PCDHGA8: variants seen among roughly 807,000 people sequenced by gnomAD.
The protein encoded by PCDHGA8 is protocadherin gamma subfamily A, 8.
A neutral mutation model predicts 59.2 loss-of-function variants in PCDHGA8; 45 were observed. The observed-to-expected ratio is 0.76, with a 90% CI of 0.60 to 0.98. PCDHGA8 has a LOEUF of 0.98. Among genes scored for constraint, PCDHGA8 ranks in the 50% least tolerant of loss-of-function variants. The pLI is 0.00. For missense variants in PCDHGA8, 1,257 were observed against 1,196.2 expected (o/e 1.05, Z -0.75); for synonymous variants, 531 against 519.0 (o/e 1.02, Z -0.32).
rs775299518 is a variant in PCDHGA8, at chr5:141,393,596, G to T, written c.783G>T (p.Leu261=). The T allele has an allele frequency of 1.2e-6, 2 of 1,613,900 alleles. No homozygotes were observed. The highest frequency in any genetic ancestry group is 8.5e-7 in the Non-Finnish European group (1 of 1,179,898). The part of the protein sequence containing the change: ...VLENMPPGTR[L]LTVTASDPDE... ...AGAACATGCCCCCAGGCACGCGGCTGCTTACTGTAACAGCCAGCGACCCGG... is the reference window on the plus strand; with the variant it reads ...AGAACATGCCCCCAGGCACGCGGCTTCTTACTGTAACAGCCAGCGACCCGG... The change falls in exon 1 of 4, where the codon CTG becomes CTT. Residue 261 remains leucine, a synonymous_variant. Transcript: ENST00000398604.
At chr5:141,498,352 C>T (rs1439698389) in intron 2 of PCDHGA8, among the ~76,000 whole-genome samples, 1 of 151,772 alleles carries the variant, frequency 6.6e-6, no homozygotes, top group Non-Finnish European at 1.5e-5. Flanking sequence ...AAAGCCTATG[C>T]AAAAGCCTTG....
chr5:141,457,680 G>A lies in PCDHGA8; in HGVS notation c.2425-37127G>A, dbSNP rs866876250. 2.6e-5 allele frequency among the ~76,000 whole-genome samples: 4 copies of A among 152,290 alleles called. No individual in the cohort carries two copies. The South Asian group carries it at 8.3e-4, about 32-fold the overall frequency. On this transcript the variant is annotated intron_variant, in intron 1 of 3. Coordinates refer to ENST00000398604, the MANE Select transcript of PCDHGA8 (RefSeq NM_032088.2). The stretch of plus-strand genomic sequence containing the variant: ...AGCAAGAATGGTTATTTCTACATAG[G>A]ACTTTTGGATTGGCTTTGATGAAAC...
In PCDHGA8 at chr5:141,395,537, A is replaced by ATTGTTTGT. The variant is rs1179408656; in HGVS notation, c.2424+301_2424+308dup. On this transcript the variant is annotated intron_variant, in intron 1 of 3. Coordinates refer to ENST00000398604, the MANE Select transcript of PCDHGA8 (RefSeq NM_032088.2). Reference sequence around the variant, plus strand: ...ACCCGTCCATACTGGTAATTTTGCTATTGTTTGTGTGTGTGTGTGTGTGTG... The same window carrying ATTGTTTGT: ...ACCCGTCCATACTGGTAATTTTGCTATTGTTTGTTTGTTTGTGTGTGTGTGTGTGTGTG... 12 of 243,932 alleles carry ATTGTTTGT rather than the reference A, an allele frequency of 4.9e-5. No individual in the cohort carries two copies. In the African/African-American group the frequency reaches 6.6e-4, roughly 13 times the overall value. 15.1% of individuals were successfully genotyped at this position (243,932 alleles called of 1,614,324 possible).
chr5:141,402,807 T>G, intron 1 of PCDHGA8: 2 of 1,165,464 alleles, frequency 1.7e-6, no homozygotes, highest in Non-Finnish European at 2.3e-6. Flanking sequence ...ACCCGGCAGA[T>G]ACCACAAACC....
At position 141,491,168 on chromosome 5, in the gene PCDHGA8, A is replaced by T. The variant is rs1293664414; in HGVS notation, c.2425-3639A>T. On this transcript the variant is annotated intron_variant, in intron 1 of 3. Transcript: ENST00000398604. This position sits in a 1 kb window ranked among gnomAD's most constrained non-coding sequence, Gnocchi z 6.9. ...CTGGAGGATGACTCTGACACCCAGC[A>T]GGTGGTGGTCCTGGTGAGGGACAAT... 3.1e-6 allele frequency: 5 copies of T among 1,614,160 alleles called. No individual in the cohort carries two copies. The highest frequency in any genetic ancestry group is 4.2e-6 in the Non-Finnish European group (5 of 1,179,988).
chr5:141,498,105 G>C (rs150297456), intron 2 of PCDHGA8, among the ~76,000 whole-genome samples: 1 of 152,324 alleles, frequency 6.6e-6, no homozygotes, highest in East Asian at 1.9e-4. Flanking sequence ...TGGTGTGGGC[G>C]TATAATAGGG....
intron 1 of PCDHGA8, chr5:141,399,117 A>C (rs370431268): frequency 6.2e-6 from 10 of 1,613,848 alleles, no homozygotes; most frequent in Non-Finnish European, 8.5e-6. Flanking sequence ...GTACAGTTGA[A>C]ATTAATATTC....
intron 1 of PCDHGA8, chr5:141,408,653 C>T (rs1589679123): frequency 6.2e-7 from 1 of 1,613,982 alleles, no homozygotes; most frequent in African/African-American, 1.3e-5. Context: ...CGCTGGTACA[C>T]GACTATCGCT....
At chr5:141,449,876 C>T (rs924666805) in intron 1 of PCDHGA8, among the ~76,000 whole-genome samples, 1 of 151,724 alleles carries the variant, frequency 6.6e-6, no homozygotes, top group African/African-American at 2.4e-5. Context: ...AATTTAACAT[C>T]AATGCAATAT....
chr5:141,470,828 C>A (rs1328067769), intron 1 of PCDHGA8, among the ~76,000 whole-genome samples: 1 of 151,994 alleles, frequency 6.6e-6, no homozygotes, highest in Non-Finnish European at 1.5e-5. Flanking sequence ...GTTAGGACGA[C>A]AAACACACGC....
In PCDHGA8 at chr5:141,486,697, C is replaced by T. The variant is rs146956400; in HGVS notation, c.2425-8110C>T. 89 of 1,614,058 alleles carry T rather than the reference C, an allele frequency of 5.5e-5. No homozygotes were observed. Among genetic ancestry groups the T allele is most frequent in the Non-Finnish European group, 7.4e-5 (87 of 1,180,040 alleles). ...GAGATGTATCAGCTTCCTCTTTCAT[C>T]TCTCTGAACCCCCAGACAGGAGCTG... On this transcript the variant is annotated intron_variant, in intron 1 of 3. Coordinates refer to ENST00000398604, the MANE Select transcript of PCDHGA8 (RefSeq NM_032088.2). The surrounding 1 kb of genome is among the most constrained non-coding windows in gnomAD (Gnocchi z 5.0).
At chr5:141,456,919 C>G (rs2098898169) in intron 1 of PCDHGA8, among the ~76,000 whole-genome samples, 1 of 152,124 alleles carries the variant, frequency 6.6e-6, no homozygotes, top group African/African-American at 2.4e-5. Flanking sequence ...GCCGAGATCG[C>G]ACCACTGCAC....
In PCDHGA8 at chr5:141,394,883, A is replaced by G. The variant is rs370442493; in HGVS notation, c.2070A>G (p.Thr690=). 2 of 1,611,604 alleles carry G rather than the reference A, an allele frequency of 1.2e-6. No homozygotes were observed. The highest frequency in any genetic ancestry group is 2.7e-5 in the African/African-American group (2 of 74,128). Residue 690 remains threonine (T), a synonymous_variant, in exon 1 of 4, where the codon ACA becomes ACG. Coordinates refer to ENST00000398604, the MANE Select transcript of PCDHGA8 (RefSeq NM_032088.2). ...PSVDPNDSSL[T]LYLVVAVAAI... Reference sequence around the variant, plus strand: ...TCGACCCGAACGATTCGAGCCTTACACTCTATCTCGTGGTGGCAGTGGCTG... The same window carrying G: ...TCGACCCGAACGATTCGAGCCTTACGCTCTATCTCGTGGTGGCAGTGGCTG...
At position 141,432,319 on chromosome 5, in the gene PCDHGA8, C is replaced by A; in HGVS notation, c.2424+37082C>A. The A allele has an allele frequency of 6.2e-7, 1 of 1,614,264 alleles. No individual in the cohort carries two copies. Among genetic ancestry groups the A allele is most frequent in the South Asian group, 1.1e-5 (1 of 91,088 alleles). ...GGGTACTGTATGCGCTGAGCTCCTTCGACTACGAGCAGTTCCGAGACTTGC... is the reference window on the plus strand; with the variant it reads ...GGGTACTGTATGCGCTGAGCTCCTTAGACTACGAGCAGTTCCGAGACTTGC... On this transcript the variant is annotated intron_variant, in intron 1 of 3. Transcript: ENST00000398604. The surrounding 1 kb of genome is among the most constrained non-coding windows in gnomAD (Gnocchi z 6.0).
intron 1 of PCDHGA8, among the ~76,000 whole-genome samples, chr5:141,483,709 G>A (rs1486825412): frequency 1.3e-5 from 2 of 152,036 alleles, no homozygotes; most frequent in Non-Finnish European, 2.9e-5. Flanking sequence ...TTTGACACCA[G>A]AATATTGGTT....
At chr5:141,433,295 G>A (rs754784548) in intron 1 of PCDHGA8, 22 of 1,044,006 alleles carry the variant, frequency 2.1e-5, no homozygotes, top group Non-Finnish European at 2.9e-5. Flanking sequence ...CTAGGCTCAA[G>A]CAATTATCCC....
intron 1 of PCDHGA8, among the ~76,000 whole-genome samples, chr5:141,468,281 C>T (rs568875291): frequency 6.8e-6 from 1 of 147,354 alleles, no homozygotes; most frequent in African/African-American, 2.5e-5. Flanking sequence ...GCCGAGACCA[C>T]GCCATTGCAC....
Position 141,489,323 on chromosome 5 carries a change from C to T in PCDHGA8, c.2425-5484C>T, listed in dbSNP as rs746520513. 1 of 1,601,632 alleles carries T rather than the reference C, an allele frequency of 6.2e-7. No individual in the cohort carries two copies. Among genetic ancestry groups the T allele is most frequent in the Non-Finnish European group, 8.5e-7 (1 of 1,172,950 alleles). ...TCCTTGTGCTGCTGGGGCTGGGTGT[C>T]TGGGCAGCTTCGTTACTCAGTGGTG... On this transcript the variant is annotated intron_variant, in intron 1 of 3. Coordinates refer to ENST00000398604, the MANE Select transcript of PCDHGA8 (RefSeq NM_032088.2). The surrounding 1 kb of genome is among the most constrained non-coding windows in gnomAD (Gnocchi z 4.5).
At position 141,421,233 on chromosome 5, in the gene PCDHGA8, G is replaced by A. The variant is rs201076931; in HGVS notation, c.2424+25996G>A. Reference sequence around the variant, plus strand: ...ATATCGGCTTAGAGCCTGCCATGGCGAATCGGCTACAGCGCGGGGACCGCA... The same window carrying A: ...ATATCGGCTTAGAGCCTGCCATGGCAAATCGGCTACAGCGCGGGGACCGCA... On this transcript the variant is annotated intron_variant, in intron 1 of 3. Coordinates refer to ENST00000398604, the MANE Select transcript of PCDHGA8 (RefSeq NM_032088.2). 1.4e-3 allele frequency: 2,185 copies of A among 1,592,236 alleles called. 58 individuals are homozygous for A. In the South Asian group the frequency reaches 0.024, roughly 17 times the overall value.
Sources: gnomAD v4.1 joint callset for allele counts (sites outside exome capture counted in the v4.1 genomes callset) on GRCh38, gnomAD v4.1.1 for gene constraint, Gnocchi (gnomAD v3.1) non-coding constraint, MANE v1.5 for transcripts, NCBI Gene and HGNC (gene_info 2026-07-23, HGNC 2026-07-21) for gene names.